The following TBL1X variants were observed in gnomAD, a reference collection of about 807,000 sequenced individuals.
TBL1X encodes the protein transducin beta like 1 X-linked, also known as F-box-like/WD repeat-containing protein TBL1X.
In TBL1X, 10 loss-of-function variants were observed where a neutral mutation model predicts 50.7. That is an observed-to-expected ratio of 0.20 (90% confidence interval 0.12 to 0.33). The LOEUF (loss-of-function observed/expected upper bound fraction) is 0.33, where lower values mean the gene tolerates loss of function less well. Among genes scored for constraint, TBL1X ranks in the 10% least tolerant of loss-of-function variants. The probability of loss-of-function intolerance (pLI) is 1.00; values close to 1 mark genes in which losing one functional copy is unlikely to be tolerated. For missense variants in TBL1X, 340 were observed against 504.4 expected, an observed-to-expected ratio of 0.67 and a Z score of 3.12; for synonymous variants, 190 against 214.7, an observed-to-expected ratio of 0.88 and a Z score of 1.01.
intron 5 of TBL1X, among the ~76,000 whole-genome samples, chrX:9,676,266 G>A (rs2082993554): frequency 8.9e-6 from 1 of 111,768 alleles, no homozygotes; most frequent in African/African-American, 3.3e-5. Flanking sequence ...GGCTTCTCCT[G>A]GCATCACCTC....
intron 2 of TBL1X, chrX:9,636,525 A>AACAACCACCACC (rs943883575): frequency 9.5e-6 from 1 of 105,050 alleles, no homozygotes; most frequent in Non-Finnish European, 2.0e-5. Flanking sequence ...CAACAACAAC[A>AACAACCACCACC]ACCATGTATG....
At chrX:9,648,515 A>G (rs1186947157) in intron 3 of TBL1X, among the ~76,000 whole-genome samples, 1 of 112,001 alleles carries the variant, frequency 8.9e-6, no homozygotes, top group Non-Finnish European at 1.9e-5. Context: ...TCCTCCCCAC[A>G]TGTACACCCA....
intron 5 of TBL1X, among the ~76,000 whole-genome samples, chrX:9,680,299 C>G (rs7473031): frequency 1.8e-5 from 2 of 112,168 alleles, no homozygotes; most frequent in Admixed American, 9.4e-5. Context: ...AGCAAATATC[C>G]TAGCAGCCAT....
At chrX:9,527,026 G>A (rs1440977023) in intron 2 of TBL1X, among the ~76,000 whole-genome samples, 1 of 112,081 alleles carries the variant, frequency 8.9e-6, no homozygotes, top group Non-Finnish European at 1.9e-5. Flanking sequence ...TGGAGATTGC[G>A]TGGGATTTGA....
chrX:9,627,652 G>A (rs1601803263), intron 2 of TBL1X, among the ~76,000 whole-genome samples: 1 of 112,421 alleles, frequency 8.9e-6, no homozygotes, highest in East Asian at 2.8e-4. Context: ...CAATAATTGT[G>A]TTTCAGTTGC....
At chrX:9,586,340 G>A (rs916718794) in intron 2 of TBL1X, among the ~76,000 whole-genome samples, 26 of 112,368 alleles carry the variant, frequency 2.3e-4, no homozygotes, top group African/African-American at 8.1e-4. Flanking sequence ...ATCACATGCC[G>A]CAATTTTGTA....
At position 9,711,668 on chromosome X, in the gene TBL1X, C is replaced by T. The variant is rs766856068; in HGVS notation, c.1497C>T (p.His499=). 2.5e-6 allele frequency: 3 copies of T among 1,209,141 alleles called. No individual in the cohort carries two copies. The highest frequency in any genetic ancestry group is 5.9e-5 in the East Asian group (2 of 33,657). ...LWDIERGVCT[H]TLTKHQEPVY... ...ACATAGAACGAGGCGTCTGCACCCA[C>T]ACGCTCACGAAGCATCAGGAGCCTG... The change falls in exon 16 of 18, where the codon CAC becomes CAT. Residue 499 remains histidine, a synonymous_variant. Coordinates refer to ENST00000645353, the MANE Select transcript of TBL1X (RefSeq NM_005647.4).
chrX:9,502,384 C>T (rs1004497203), intron 2 of TBL1X, among the ~76,000 whole-genome samples: 4 of 112,284 alleles, frequency 3.6e-5, no homozygotes, highest in Non-Finnish European at 5.6e-5. Context: ...CACGGGGCCA[C>T]CCATTATGTG....
At chrX:9,594,286 G>T (rs2082517130) in intron 2 of TBL1X, among the ~76,000 whole-genome samples, 1 of 112,445 alleles carries the variant, frequency 8.9e-6, no homozygotes, top group African/African-American at 3.2e-5. Flanking sequence ...GTCAGTGCAT[G>T]ATATTGTAGT....
At chrX:9,497,401 T>C (rs1601715046) in intron 1 of TBL1X, among the ~76,000 whole-genome samples, 1 of 53,234 alleles carries the variant, frequency 1.9e-5, no homozygotes, top group African/African-American at 8.4e-5. Context: ...ACAGCCAGAC[T>C]CCATCTCAAA....
intron 8 of TBL1X, 145 bp from the exon 9 acceptor site, chrX:9,691,968 G>T: frequency 9.8e-7 from 1 of 1,018,255 alleles, no homozygotes; most frequent in Non-Finnish European, 1.3e-6. Context: ...TGCAAAGATG[G>T]CAAAGAGGGA....
Position 9,709,681 on chromosome X carries a change from A to G in TBL1X, c.1360A>G (p.Asn454Asp). Reference sequence around the variant, plus strand: ...GTGCATCCATGATCTTCAGGCTCACAATAAAGAGATCTACACCATCAAGTG... The same window carrying G: ...GTGCATCCATGATCTTCAGGCTCACGATAAAGAGATCTACACCATCAAGTG... ...EVCIHDLQAH[N>D]KEIYTIKWSP... The change falls in exon 15 of 18, where the codon AAT (asparagine) becomes GAT (aspartate). Residue 454 changes from asparagine (N) to aspartate (D), a missense_variant. Asn to Asp is a conservative substitution (Grantham distance 23, BLOSUM62 1). Transcript: ENST00000645353. 2.5e-6 allele frequency: 3 copies of G among 1,176,975 alleles called. No individual in the cohort carries two copies. The highest frequency in any genetic ancestry group is 3.4e-6 in the Non-Finnish European group (3 of 876,950).
At chrX:9,697,505 C>CT (rs2083139210) in intron 12 of TBL1X, 76 bp downstream of exon 12, 1 of 1,173,796 alleles carries the variant, frequency 8.5e-7, no homozygotes, top group African/African-American at 1.8e-5. Flanking sequence ...AGCCCAGTGG[C>CT]TTACGCCTGT....
rs868198192 is a variant in TBL1X at position 9,665,489 on chromosome X, C to A, written c.211+11167C>A. The stretch of plus-strand genomic sequence containing the variant: ...ACTTAATTAAAAACTGATATTCAAG[C>A]TATATATATATATATATATATATAT... On this transcript the variant is annotated intron_variant, in intron 5 of 17. Coordinates refer to ENST00000645353, the MANE Select transcript of TBL1X (RefSeq NM_005647.4). Among the ~76,000 whole-genome samples the A allele has an allele frequency of 4.9e-3, 97 of 19,797 alleles. 2 individuals carry two copies. In the East Asian group the frequency reaches 0.055, roughly 11 times the overall value. The allele number at this position is 19,797 out of a possible 115,157, so 17.2% of individuals were successfully genotyped here. A position where few individuals can be genotyped will look rare whatever the true frequency, so the allele number is the denominator to read the frequency against.
At chrX:9,468,613 G>A (rs904146438) in intron 1 of TBL1X, among the ~76,000 whole-genome samples, 3 of 111,024 alleles carry the variant, frequency 2.7e-5, no homozygotes, top group Non-Finnish European at 3.8e-5. Context: ...TTGGGCGCTG[G>A]GGACAGCTAT....
chrX:9,524,053 C>T (rs1296329724), intron 2 of TBL1X, among the ~76,000 whole-genome samples: 2 of 102,254 alleles, frequency 2.0e-5, no homozygotes, highest in Non-Finnish European at 4.0e-5. Flanking sequence ...CTGCAACCTC[C>T]ACCTCCCAGG....
Position 9,474,348 on chromosome X carries a change from G to A in TBL1X, c.-201+8901G>A, listed in dbSNP as rs747843945. Among the ~76,000 whole-genome samples the A allele has an allele frequency of 8.8e-5, 10 of 113,216 alleles. No individual in the cohort carries two copies. In the East Asian group the frequency reaches 1.1e-3, roughly 13 times the overall value. On this transcript the variant is annotated intron_variant, in intron 1 of 17. Coordinates refer to ENST00000645353, the MANE Select transcript of TBL1X (RefSeq NM_005647.4). ...GGGGGTGATACCAACGTCCCTGCCT[G>A]CAGGTAGGACACAGTTGTACTCCCC... is the stretch of plus-strand genomic sequence containing the variant.
intron 2 of TBL1X, among the ~76,000 whole-genome samples, chrX:9,607,087 A>G (rs1207264076): frequency 8.9e-6 from 1 of 112,457 alleles, no homozygotes; most frequent in Non-Finnish European, 1.9e-5. Flanking sequence ...TCACAGCACC[A>G]AGATCGTCTG....
At chrX:9,685,020 T>C (rs1468191560) in intron 6 of TBL1X, among the ~76,000 whole-genome samples, 1 of 112,314 alleles carries the variant, frequency 8.9e-6, no homozygotes, top group East Asian at 2.8e-4. Context: ...AAGGGATGCC[T>C]TCATTACCGG....
Sources: gnomAD v4.1 joint callset for allele counts (sites outside exome capture counted in the v4.1 genomes callset) on GRCh38, gnomAD v4.1.1 for gene constraint, MANE v1.5 for transcripts, NCBI Gene and HGNC (gene_info 2026-07-23, HGNC 2026-07-21) for gene names.